Variants in GPHN observed in about 807,000 individuals in gnomAD.
GPHN encodes the protein gephyrin.
A neutral mutation model predicts 95.5 loss-of-function variants in GPHN; 17 were observed. The observed-to-expected ratio is 0.18, with a 90% CI of 0.12 to 0.27. GPHN has a LOEUF of 0.27. GPHN is among the 10% of genes least tolerant of loss of function. The pLI, the probability that GPHN is intolerant of heterozygous loss-of-function variation, is 1.00. For synonymous variants in GPHN, 320 were observed against 322.5 expected (o/e 0.99, Z 0.08); for missense variants, 660 against 978.1 (o/e 0.67, Z 4.34).
At chr14:66,586,787 A>G (rs999876532) in intron 1 of GPHN, among the ~76,000 whole-genome samples, 1 of 152,154 alleles carries the variant, frequency 6.6e-6, no homozygotes, top group Non-Finnish European at 1.5e-5. Context: ...CAATAAACAC[A>G]CAGATCAAAA....
chr14:67,103,511 C>CTTTTTT, intron 13 of GPHN, among the ~76,000 whole-genome samples: 6 of 53,396 alleles, frequency 1.1e-4, no homozygotes, highest in Admixed American at 2.2e-4. Context: ...GTTTCTTTCT[C>CTTTTTT]TTTTTTTTTT....
At chr14:67,122,521 T>C (rs2079070457) in intron 17 of GPHN, 144 bp downstream of exon 17, 5 of 696,208 alleles carry the variant, frequency 7.2e-6, no homozygotes, top group Non-Finnish European at 1.3e-5. Flanking sequence ...CCAAAGAATA[T>C]TGAGGTATCT....
intron 11 of GPHN, among the ~76,000 whole-genome samples, chr14:67,060,707 G>A (rs536955064): frequency 6.6e-6 from 1 of 152,258 alleles, no homozygotes; most frequent in African/African-American, 2.4e-5. Flanking sequence ...CTCCTTTACA[G>A]GCTTGCCTTC....
At chr14:67,470,531 T>A in the GPHN span, 1 of 152,542 alleles carries the variant, frequency 6.6e-6, no homozygotes, top group Non-Finnish European at 1.5e-5. Context: ...CTCTAACCTG[T>A]CTGCATCCCA....
the GPHN span, chr14:67,656,614 G>A: frequency 6.3e-7 from 1 of 1,583,498 alleles, no homozygotes; most frequent in Non-Finnish European, 8.6e-7. Context: ...GAAGAGAAAT[G>A]TTAGACTTTT....
chr14:67,164,636 C>T (rs914353751), intron 19 of GPHN, among the ~76,000 whole-genome samples: 10 of 151,920 alleles, frequency 6.6e-5, no homozygotes, highest in East Asian at 3.9e-4. Flanking sequence ...GGATTACAGG[C>T]GCACACCACC....
intron 2 of GPHN, among the ~76,000 whole-genome samples, chr14:66,762,152 A>G (rs1468752595): frequency 6.7e-6 from 1 of 149,774 alleles, no homozygotes; most frequent in Non-Finnish European, 1.5e-5. Context: ...AAAAAAAAGA[A>G]TTACAATGGA....
chr14:66,624,490 A>C (rs1266476132), intron 1 of GPHN, among the ~76,000 whole-genome samples: 10 of 152,220 alleles, frequency 6.6e-5, no homozygotes, highest in Non-Finnish European at 1.0e-4. Flanking sequence ...GTTCTCTGAT[A>C]GCTTAAGTGA....
chr14:67,440,408 C>T, the GPHN span, among the ~76,000 whole-genome samples: 3 of 151,774 alleles, frequency 2.0e-5, no homozygotes, highest in African/African-American at 7.3e-5. Flanking sequence ...TCTCCCCCAC[C>T]GAAAAAAAAA....
At chr14:66,572,833 C>T (rs983616489) in intron 1 of GPHN, among the ~76,000 whole-genome samples, 1 of 152,078 alleles carries the variant, frequency 6.6e-6, no homozygotes, top group Non-Finnish European at 1.5e-5. Flanking sequence ...TTGTCTAGTT[C>T]CTGATCAGAG....
chr14:67,599,385 G>C, the GPHN span, among the ~76,000 whole-genome samples: 47 of 152,320 alleles, frequency 3.1e-4, no homozygotes, highest in African/African-American at 1.0e-3. Context: ...TTGAGGCTCA[G>C]AGAAAACAGG....
chr14:66,848,555 C>T (rs1329037557), intron 4 of GPHN, among the ~76,000 whole-genome samples: 1 of 151,938 alleles, frequency 6.6e-6, no homozygotes, highest in Non-Finnish European at 1.5e-5. Flanking sequence ...GTTACTTTCT[C>T]GTTAGTGTTA....
intron 4 of GPHN, among the ~76,000 whole-genome samples, chr14:66,862,816 G>T (rs763130164): frequency 8.6e-5 from 13 of 151,990 alleles, no homozygotes; most frequent in Non-Finnish European, 1.3e-4. Context: ...GGTGTAGAAG[G>T]AACATCCTTC....
At chr14:67,023,554 G>A (rs1461437226) in intron 9 of GPHN, 79 bp from the exon 10 acceptor site, 4 of 1,057,920 alleles carry the variant, frequency 3.8e-6, no homozygotes, top group Non-Finnish European at 5.9e-6. Flanking sequence ...CTAGACCTCA[G>A]GAGCTTGCCC....
chr14:67,722,805 T>C, the GPHN span: 42 of 1,062,772 alleles, frequency 4.0e-5, no homozygotes, highest in Non-Finnish European at 5.2e-5. Context: ...GGAAGGAGGC[T>C]GACAGAGGAG....
chr14:66,719,150 A>G (rs2070486079), intron 2 of GPHN, among the ~76,000 whole-genome samples: 1 of 152,178 alleles, frequency 6.6e-6, no homozygotes, highest in Non-Finnish European at 1.5e-5. Flanking sequence ...GAAAGAAAGT[A>G]GGGCTTTAAT....
the GPHN span, among the ~76,000 whole-genome samples, chr14:67,712,008 C>A: frequency 1.3e-5 from 2 of 152,180 alleles, no homozygotes; most frequent in African/African-American, 2.4e-5. Context: ...CAACCTCCTC[C>A]TCCCAGGTTC....
chr14:67,451,970 A>G, the GPHN span, among the ~76,000 whole-genome samples: 72,533 of 151,970 alleles, frequency 0.48, 19,287 homozygotes, highest in African/African-American at 0.72. Flanking sequence ...TTGAATCATC[A>G]GGGTGGGTCT....
chr14:66,795,123 C>A (rs976675333), intron 3 of GPHN, among the ~76,000 whole-genome samples: 2 of 152,130 alleles, frequency 1.3e-5, no homozygotes, highest in African/African-American at 2.4e-5. Context: ...TAGAGAGGCA[C>A]ACTATCTTAC....
Sources: gnomAD v4.1 joint callset for allele counts (sites outside exome capture counted in the v4.1 genomes callset) on GRCh38, gnomAD v4.1.1 for gene constraint, MANE v1.5 for transcripts, NCBI Gene and HGNC (gene_info 2026-07-23, HGNC 2026-07-21) for gene names.